Variants in PROS1 observed in about 807,000 individuals in gnomAD.
The protein encoded by PROS1 is vitamin K-dependent protein S.
PROS1 carries 29 observed loss-of-function variants against 75.9 expected under a neutral mutation model. The ratio of observed to expected loss-of-function variants is 0.38; its 90% CI spans 0.28 to 0.52. The LOEUF (loss-of-function observed/expected upper bound fraction) is 0.52, where lower values mean the gene tolerates loss of function less well. Ranked by LOEUF, PROS1 falls within the 20% of genes least tolerant of loss-of-function variation. The pLI is 0.83. For missense variants in PROS1, 680 were observed against 810.3 expected (o/e 0.84, Z 1.95); for synonymous variants, 245 against 280.6 (o/e 0.87, Z 1.27).
intron 1 of PROS1, among the ~76,000 whole-genome samples, chr3:93,948,296 G>A (rs1010931142): frequency 3.9e-5 from 6 of 151,974 alleles, no homozygotes; most frequent in Non-Finnish European, 8.8e-5. Flanking sequence ...AAAGTAGGCT[G>A]CAATGAAAAG....
Position 93,879,248 on chromosome 3 carries a change from G to A in PROS1, c.1559C>T (p.Thr520Ile). ...VTLNIRPSTG[T>I]GVMLALVSGN... ...AGAAACCAAGGCAAGCATAACACCAGTGCCCGTGGATGGACGAATATTCAA... is the reference window on the plus strand; with the variant it reads ...AGAAACCAAGGCAAGCATAACACCAATGCCCGTGGATGGACGAATATTCAA... The change falls in exon 13 of 15, where the codon ACT (threonine) becomes ATT (isoleucine). Residue 520 changes from threonine (T) to isoleucine (I), a missense_variant. Coordinates refer to ENST00000394236, the MANE Select transcript of PROS1 (RefSeq NM_000313.4). 6.2e-7 allele frequency: 1 copy of A among 1,614,126 alleles called. No homozygotes were observed. The highest frequency in any genetic ancestry group is 2.2e-5 in the East Asian group (1 of 44,868).
rs1335469561 is a variant in PROS1 at position 93,928,235 on chromosome 3, G to GCTC, written c.77-829_77-828insGAG. On this transcript the variant is annotated intron_variant, in intron 1 of 14. Transcript: ENST00000394236. The stretch of plus-strand genomic sequence containing the variant: ...AGTCCTTGCTACCTGGGAGGCTAAG[G>GCTC]CGGGAGTGCCACTTGAGTGCAGGAA... Among the ~76,000 whole-genome samples, 4 of 150,022 alleles carry GCTC rather than the reference G, an allele frequency of 2.7e-5. No individual in the cohort carries two copies. The South Asian group carries it at 8.4e-4, about 32-fold the overall frequency.
chr3:93,901,807 A>G (rs1708599112), intron 6 of PROS1, among the ~76,000 whole-genome samples: 1 of 152,190 alleles, frequency 6.6e-6, no homozygotes, highest in Non-Finnish European at 1.5e-5. Flanking sequence ...GTGAAATTGT[A>G]CTATCATTTT....
chr3:93,947,883 T>C (rs1334450743), intron 1 of PROS1, among the ~76,000 whole-genome samples: 1 of 152,096 alleles, frequency 6.6e-6, no homozygotes, highest in Non-Finnish European at 1.5e-5. Flanking sequence ...AGAGTTATTT[T>C]CAAAGATAAA....
intron 1 of PROS1, among the ~76,000 whole-genome samples, chr3:93,938,664 C>G (rs1407726082): frequency 6.6e-6 from 1 of 152,206 alleles, no homozygotes. Flanking sequence ...TTCAATCTCC[C>G]TGTCCTTCCA....
intron 2 of PROS1, among the ~76,000 whole-genome samples, chr3:93,925,487 G>T (rs1204996504): frequency 6.6e-6 from 1 of 151,902 alleles, no homozygotes; most frequent in Non-Finnish European, 1.5e-5. Context: ...GTTGGGTAGG[G>T]TCGAAAATGA....
intron 3 of PROS1, among the ~76,000 whole-genome samples, chr3:93,922,852 TA>T (rs765889133): frequency 1.7e-4 from 26 of 152,160 alleles, no homozygotes; most frequent in African/African-American, 3.4e-4. Context: ...AAATTTAAAT[TA>T]AAAAAAATCA....
At chr3:93,913,425 G>A (rs1708790385) in intron 3 of PROS1, among the ~76,000 whole-genome samples, 1 of 152,174 alleles carries the variant, frequency 6.6e-6, no homozygotes, top group Non-Finnish European at 1.5e-5. Context: ...AAGCTCTCTT[G>A]CCTGCCACCA....
At chr3:93,920,145 C>T (rs1229965263) in intron 3 of PROS1, among the ~76,000 whole-genome samples, 2 of 152,022 alleles carry the variant, frequency 1.3e-5, no homozygotes, top group Non-Finnish European at 2.9e-5. Flanking sequence ...CACCTATAAC[C>T]CCAGCACTTT....
At chr3:93,951,986 G>C (rs1467889446) in intron 1 of PROS1, among the ~76,000 whole-genome samples, 1 of 152,130 alleles carries the variant, frequency 6.6e-6, no homozygotes. Context: ...AGACAAAGAA[G>C]TCCATTACAT....
At chr3:93,917,117 G>A (rs986271367) in intron 3 of PROS1, among the ~76,000 whole-genome samples, 14 of 152,224 alleles carry the variant, frequency 9.2e-5, no homozygotes, top group African/African-American at 2.9e-4. Flanking sequence ...TTCATACCCC[G>A]CCCCTTTGAC....
chr3:93,905,986 C>T (rs772265518), intron 5 of PROS1, 35 bp downstream of exon 5: 1 of 1,613,734 alleles, frequency 6.2e-7, no homozygotes, highest in East Asian at 2.2e-5. Flanking sequence ...GAGACCAATC[C>T]TGATGAGCTG....
intron 1 of PROS1, among the ~76,000 whole-genome samples, chr3:93,951,196 C>T (rs1044370552): frequency 2.6e-5 from 4 of 152,008 alleles, no homozygotes; most frequent in African/African-American, 9.7e-5. Flanking sequence ...GGAGAAATTC[C>T]CCAACCTAGC....
chr3:93,970,897 G>A (rs1709869750), intron 1 of PROS1, among the ~76,000 whole-genome samples: 1 of 152,100 alleles, frequency 6.6e-6, no homozygotes, highest in Non-Finnish European at 1.5e-5. Flanking sequence ...ACACTCAGAA[G>A]GCTGATGGGA....
chr3:93,965,764 G>A lies in PROS1; in HGVS notation c.76+7910C>T, dbSNP rs773353204. Among the ~76,000 whole-genome samples the A allele has an allele frequency of 3.3e-5, 5 of 152,156 alleles. No individual in the cohort carries two copies. The South Asian group carries it at 8.3e-4, about 25-fold the overall frequency. ...GGCTGGAGTGCAGTGGCATGATCTC[G>A]ATTCACTGCAGCCTTCACCTCCCAG... is the stretch of plus-strand genomic sequence containing the variant. On this transcript the variant is annotated intron_variant, in intron 1 of 14. Transcript: ENST00000394236.
At chr3:93,909,431 T>C (rs1462470742) in intron 4 of PROS1, among the ~76,000 whole-genome samples, 1 of 134,314 alleles carries the variant, frequency 7.4e-6, no homozygotes, top group Non-Finnish European at 1.6e-5. Flanking sequence ...CAAGAGCTTG[T>C]CTAAAAAAAA....
chr3:93,898,656 T>C (rs1447067439), intron 7 of PROS1, 87 bp from the exon 8 acceptor site: 7 of 1,482,198 alleles, frequency 4.7e-6, no homozygotes, highest in African/African-American at 2.8e-5. Flanking sequence ...GATTGTAGTA[T>C]GATATAATCA....
chr3:93,886,910 C>CA (rs1708356467), intron 10 of PROS1, among the ~76,000 whole-genome samples: 1 of 130,586 alleles, frequency 7.7e-6, no homozygotes, highest in Non-Finnish European at 1.6e-5. Flanking sequence ...TAAATAAGTT[C>CA]TTTTTTTTTT....
chr3:93,944,994 G>A (rs554214352), intron 1 of PROS1, among the ~76,000 whole-genome samples: 34 of 152,176 alleles, frequency 2.2e-4, no homozygotes, highest in Non-Finnish European at 3.5e-4. Flanking sequence ...TAACACCACC[G>A]ATCCCACAGA....
Sources: gnomAD v4.1 joint callset for allele counts (sites outside exome capture counted in the v4.1 genomes callset) on GRCh38, gnomAD v4.1.1 for gene constraint, MANE v1.5 for transcripts, NCBI Gene and HGNC (gene_info 2026-07-23, HGNC 2026-07-21) for gene names.